Variants in TBCK observed in about 807,000 individuals in gnomAD.
The protein encoded by TBCK is TBC1 domain containing kinase, also known as TBC domain-containing protein kinase-like protein.
A neutral mutation model predicts 113.4 loss-of-function variants in TBCK; 99 were observed. The ratio of observed to expected loss-of-function variants is 0.87; its 90% confidence interval spans 0.74 to 1.03. TBCK has a LOEUF of 1.03. Among genes scored for constraint, TBCK ranks in the 50% least tolerant of loss-of-function variants. The pLI is 0.00. For missense variants in TBCK, 1,045 were observed against 1,061.3 expected (o/e 0.98, Z 0.21); for synonymous variants, 369 against 370.8 (o/e 1.00, Z 0.05).
At chr4:106,216,741 A>G (rs1358683629) in intron 19 of TBCK, among the ~76,000 whole-genome samples, 2 of 152,158 alleles carry the variant, frequency 1.3e-5, no homozygotes, top group South Asian at 2.1e-4. Flanking sequence ...TACCAACCAA[A>G]AAGAGTCCAG....
At chr4:106,121,091 C>T (rs1043248563) in intron 23 of TBCK, among the ~76,000 whole-genome samples, 8 of 152,120 alleles carry the variant, frequency 5.3e-5, no homozygotes, top group African/African-American at 1.9e-4. Context: ...GAATGTATAA[C>T]TAGAATAACC....
chr4:106,092,176 T>C (rs1045138054), intron 25 of TBCK, among the ~76,000 whole-genome samples: 2 of 152,116 alleles, frequency 1.3e-5, no homozygotes, highest in Admixed American at 6.5e-5. Flanking sequence ...AGAGTGCTGA[T>C]TGGTGCATCC....
chr4:106,277,279 T>C (rs1764135094), intron 3 of TBCK, among the ~76,000 whole-genome samples: 1 of 152,158 alleles, frequency 6.6e-6, no homozygotes, highest in Non-Finnish European at 1.5e-5. Flanking sequence ...TCTAATGGTG[T>C]TTCTATAAAA....
chr4:106,047,123 T>G (rs550709391), intron 25 of TBCK, among the ~76,000 whole-genome samples: 1 of 152,254 alleles, frequency 6.6e-6, no homozygotes, highest in Non-Finnish European at 1.5e-5. Context: ...TCCACTTCAA[T>G]GTCCCACAGA....
chr4:106,271,914 C>T (rs1201049334), intron 3 of TBCK, among the ~76,000 whole-genome samples: 2 of 152,090 alleles, frequency 1.3e-5, no homozygotes, highest in Non-Finnish European at 2.9e-5. Context: ...ACCTTAAGGG[C>T]TCATTAATAT....
In TBCK at chr4:106,257,705, T is replaced by C. The variant is rs115931043; in HGVS notation, c.455+2732A>G. On this transcript the variant is annotated intron_variant, in intron 5 of 25. Coordinates refer to ENST00000394708, the MANE Select transcript of TBCK (RefSeq NM_001163435.3). Reference sequence around the variant, plus strand: ...ATCTCTAGAAACAGCTGAAGTCTAGTGGAAGCAGCACTAGACTAGATGTTA... The same window carrying C: ...ATCTCTAGAAACAGCTGAAGTCTAGCGGAAGCAGCACTAGACTAGATGTTA... 9.9e-3 allele frequency among the ~76,000 whole-genome samples: 1,511 copies of C among 152,192 alleles called. 21 individuals are homozygous for C. The highest frequency in any genetic ancestry group is 0.035 in the African/African-American group (1,443 of 41,564).
intron 16 of TBCK, 27 bp from the exon 17 acceptor site, chr4:106,233,091 G>T: frequency 6.3e-7 from 1 of 1,596,492 alleles, no homozygotes; most frequent in South Asian, 1.1e-5. Flanking sequence ...ATAATAAGGT[G>T]AAACAGTAAT....
At chr4:106,267,666 C>T (rs780580289) in intron 3 of TBCK, among the ~76,000 whole-genome samples, 4 of 151,914 alleles carry the variant, frequency 2.6e-5, no homozygotes, top group Non-Finnish European at 5.9e-5. Flanking sequence ...ACCACCATCA[C>T]CAAAAAAGAT....
intron 25 of TBCK, among the ~76,000 whole-genome samples, chr4:106,065,062 T>G (rs1736480806): frequency 6.6e-6 from 1 of 151,982 alleles, no homozygotes; most frequent in Non-Finnish European, 1.5e-5. Context: ...TCAAAACAAA[T>G]TATACATTTT....
intron 3 of TBCK, among the ~76,000 whole-genome samples, chr4:106,279,043 C>T (rs559993239): frequency 1.3e-5 from 2 of 152,148 alleles, no homozygotes; most frequent in African/African-American, 4.8e-5. Context: ...TCAGATAATT[C>T]CCAACAGGAA....
intron 1 of TBCK, among the ~76,000 whole-genome samples, chr4:106,312,514 T>C (rs953339128): frequency 2.4e-4 from 36 of 152,122 alleles, no homozygotes; most frequent in African/African-American, 8.7e-4. Context: ...GAGCGTAAAA[T>C]GGCAAAAGAA....
intron 25 of TBCK, among the ~76,000 whole-genome samples, chr4:106,085,214 G>C (rs1200405087): frequency 6.6e-6 from 1 of 152,002 alleles, no homozygotes; most frequent in Non-Finnish European, 1.5e-5. Flanking sequence ...TTTATGTGCA[G>C]ACATACACAG....
intron 3 of TBCK, among the ~76,000 whole-genome samples, chr4:106,292,697 T>TG (rs1765855190): frequency 6.6e-6 from 1 of 152,194 alleles, no homozygotes; most frequent in South Asian, 2.1e-4. Context: ...GGTGGATCAC[T>TG]GGCCAGAGTT....
At chr4:106,240,375 A>G (rs938908879) in intron 12 of TBCK, among the ~76,000 whole-genome samples, 4 of 9,898 alleles carry the variant, frequency 4.0e-4, no homozygotes, top group Non-Finnish European at 2.0e-3. Flanking sequence ...AAGTGAGTAG[A>G]TAAGAATTTG....
rs115516042 is a variant in TBCK at position 106,257,447 on chromosome 4, T to C, written c.455+2990A>G. On this transcript the variant is annotated intron_variant, in intron 5 of 25. Transcript: ENST00000394708. ...CTTTTCTACAGCTACCTCCTCACACTATCATTGCTAGTACTTCTTATTTAC... is the reference window on the plus strand; with the variant it reads ...CTTTTCTACAGCTACCTCCTCACACCATCATTGCTAGTACTTCTTATTTAC... 5.1e-3 allele frequency among the ~76,000 whole-genome samples: 773 copies of C among 152,298 alleles called. 13 individuals are homozygous for C. Among genetic ancestry groups the C allele is most frequent in the African/African-American group, 0.018 (729 of 41,598 alleles).
At chr4:106,254,530 G>A (rs964585246) in intron 5 of TBCK, among the ~76,000 whole-genome samples, 1 of 152,162 alleles carries the variant, frequency 6.6e-6, no homozygotes, top group African/African-American at 2.4e-5. Flanking sequence ...TTATGAATGA[G>A]AAGTTCTTAT....
At chr4:106,288,504 T>C (rs1424762820) in intron 3 of TBCK, among the ~76,000 whole-genome samples, 1 of 152,342 alleles carries the variant, frequency 6.6e-6, no homozygotes, top group African/African-American at 2.4e-5. Flanking sequence ...ATAGGTAATA[T>C]CTGATCAAGA....
chr4:106,118,851 T>C (rs1279077826), intron 23 of TBCK, among the ~76,000 whole-genome samples: 1 of 152,186 alleles, frequency 6.6e-6, no homozygotes, highest in Non-Finnish European at 1.5e-5. Context: ...GAAAGAGTAT[T>C]GCTATATGAA....
At chr4:106,309,305 CTTTTTT>C (rs536969885) in intron 1 of TBCK, among the ~76,000 whole-genome samples, 4 of 103,164 alleles carry the variant, frequency 3.9e-5, no homozygotes, top group East Asian at 3.3e-4. Context: ...AGGCTCTTCT[CTTTTTT>C]TTTTTTTTTT....
Sources: allele counts gnomAD v4.1 joint callset (sites outside exome capture counted in the v4.1 genomes callset), GRCh38; gene constraint gnomAD v4.1.1; transcripts MANE v1.5; gene names NCBI Gene and HGNC (gene_info 2026-07-23, HGNC 2026-07-21).